SGIP1: variants seen among roughly 807,000 people sequenced by gnomAD.
The protein encoded by SGIP1 is SH3-containing GRB2-like protein 3-interacting protein 1.
SGIP1 carries 38 observed loss-of-function variants against 107.5 expected under a neutral mutation model. The ratio of observed to expected loss-of-function variants is 0.35; its 90% CI spans 0.27 to 0.46. The LOEUF (loss-of-function observed/expected upper bound fraction) is 0.46. Among genes scored for constraint, SGIP1 ranks in the 20% least tolerant of loss-of-function variants. SGIP1 has a pLI of 1.00. For missense variants in SGIP1, 929 were observed against 1,019.5 expected (o/e 0.91, Z 1.21); for synonymous variants, 365 against 366.1 (o/e 1.00, Z 0.03).
intron 1 of SGIP1, among the ~76,000 whole-genome samples, chr1:66,614,654 A>C (rs149376496): frequency 3.4e-4 from 51 of 152,182 alleles, no homozygotes; most frequent in African/African-American, 1.2e-3. Context: ...TTAGAAGTAG[A>C]CTTCATAGAT....
In SGIP1 at chr1:66,593,296, T is replaced by A. The variant is rs1570260182; in HGVS notation, c.11-32551T>A. ...TGTGTGGACAGAGTTTTCAACTCAT[T>A]TTACTAAATACCAAGGAGCACAATT... On this transcript the variant is annotated intron_variant, in intron 1 of 24. Coordinates refer to ENST00000371037, the MANE Select transcript of SGIP1 (RefSeq NM_032291.4). Among the ~76,000 whole-genome samples, 3 of 152,308 alleles carry A rather than the reference T, an allele frequency of 2.0e-5. No individual in the cohort carries two copies. The East Asian group carries it at 5.8e-4, about 29-fold the overall frequency.
chr1:66,659,510 C>A (rs1372033157), intron 7 of SGIP1, among the ~76,000 whole-genome samples: 1 of 152,166 alleles, frequency 6.6e-6, no homozygotes, highest in Non-Finnish European at 1.5e-5. Flanking sequence ...CATGACCGTG[C>A]CCAGCTACAA....
intron 1 of SGIP1, among the ~76,000 whole-genome samples, chr1:66,604,290 C>G (rs2066408452): frequency 6.6e-6 from 1 of 152,060 alleles, no homozygotes; most frequent in Non-Finnish European, 1.5e-5. Context: ...GCAAAATATT[C>G]CATGCAAGAA....
intron 1 of SGIP1, among the ~76,000 whole-genome samples, chr1:66,560,775 G>T (rs942168175): frequency 2.0e-5 from 3 of 151,972 alleles, no homozygotes; most frequent in African/African-American, 7.2e-5. Context: ...CAACTACCTG[G>T]GTTAAATCTC....
chr1:66,534,416 C>G (rs773931861), intron 1 of SGIP1, 48 bp downstream of exon 1: 9 of 1,609,592 alleles, frequency 5.6e-6, no homozygotes, highest in Non-Finnish European at 7.7e-6. Flanking sequence ...AAGGTTTGGG[C>G]AGAACAGCAT....
At chr1:66,695,376 T>C in intron 17 of SGIP1, 58 bp from the exon 18 acceptor site, 1 of 1,613,066 alleles carries the variant, frequency 6.2e-7, no homozygotes, top group Non-Finnish European at 8.5e-7. Context: ...TCACATTGTG[T>C]CCTTCTCTCT....
At chr1:66,633,500 C>T (rs889437527) in intron 3 of SGIP1, among the ~76,000 whole-genome samples, 33 of 152,286 alleles carry the variant, frequency 2.2e-4, no homozygotes, top group African/African-American at 7.7e-4. Flanking sequence ...AGCTTTTCCC[C>T]TTTAGTAGTT....
chr1:66,587,828 A>T (rs1257257918), intron 1 of SGIP1, among the ~76,000 whole-genome samples: 2 of 152,150 alleles, frequency 1.3e-5, no homozygotes, highest in African/African-American at 4.8e-5. Flanking sequence ...AAGGAAGATG[A>T]AGGCCAGAAA....
At chr1:66,621,736 A>G (rs2071193975) in intron 1 of SGIP1, among the ~76,000 whole-genome samples, 3 of 152,236 alleles carry the variant, frequency 2.0e-5, no homozygotes, top group African/African-American at 7.2e-5. Context: ...CATTTAGCAT[A>G]GTATTTTCAA....
chr1:66,625,781 A>G, intron 1 of SGIP1, 66 bp from the exon 2 acceptor site: 6 of 1,452,436 alleles, frequency 4.1e-6, no homozygotes, highest in South Asian at 3.6e-5. Context: ...GTGTGTTACA[A>G]CCTTCAAAAT....
At chr1:66,723,359 T>C (rs2093625421) in intron 19 of SGIP1, among the ~76,000 whole-genome samples, 1 of 152,218 alleles carries the variant, frequency 6.6e-6, no homozygotes, top group South Asian at 2.1e-4. Context: ...AATATAGTTA[T>C]ACTGTAAATA....
chr1:66,599,439 C>G (rs2065332173), intron 1 of SGIP1, among the ~76,000 whole-genome samples: 1 of 152,094 alleles, frequency 6.6e-6, no homozygotes, highest in South Asian at 2.1e-4. Context: ...AAGTGACATG[C>G]CTAAAAATTC....
chr1:66,626,618 C>T (rs1387090593), intron 2 of SGIP1, among the ~76,000 whole-genome samples: 1 of 152,176 alleles, frequency 6.6e-6, no homozygotes, highest in Admixed American at 6.5e-5. Flanking sequence ...AAGTATTTGG[C>T]TCTGACACAA....
intron 1 of SGIP1, among the ~76,000 whole-genome samples, chr1:66,593,525 C>T (rs1479833673): frequency 6.6e-6 from 1 of 152,188 alleles, no homozygotes; most frequent in African/African-American, 2.4e-5. Flanking sequence ...ACATAGCTCC[C>T]TTGTAATGGT....
chr1:66,556,704 A>G (rs1383328904), intron 1 of SGIP1, among the ~76,000 whole-genome samples: 29 of 149,946 alleles, frequency 1.9e-4, no homozygotes, highest in Non-Finnish European at 4.3e-4. Flanking sequence ...TGCCAACTGG[A>G]CCCTGTTCAA....
At chr1:66,676,519 A>AT (rs2085370119) in intron 12 of SGIP1, among the ~76,000 whole-genome samples, 1 of 152,146 alleles carries the variant, frequency 6.6e-6, no homozygotes, top group East Asian at 1.9e-4. Context: ...TCTTTTTATG[A>AT]TGCTGTAAAA....
At chr1:66,720,964 T>C (rs1237555886) in intron 19 of SGIP1, among the ~76,000 whole-genome samples, 1 of 152,146 alleles carries the variant, frequency 6.6e-6, no homozygotes, top group Admixed American at 6.5e-5. Context: ...GGAAAACTAA[T>C]ACAATTAGTA....
At chr1:66,721,153 C>G (rs1230487866) in intron 19 of SGIP1, among the ~76,000 whole-genome samples, 1 of 152,158 alleles carries the variant, frequency 6.6e-6, no homozygotes, top group African/African-American at 2.4e-5. Flanking sequence ...TGCCACATCC[C>G]CATATCAATA....
rs150975010 is a variant in SGIP1, at chr1:66,729,198, C to A, written c.1743-66C>A. 75 of 1,564,670 alleles carry A rather than the reference C, an allele frequency of 4.8e-5. No homozygotes were observed. The East Asian group carries it at 1.6e-3, about 34-fold the overall frequency. ...TTGCCTCATAAATTGTTTTTCACAG[C>A]AGTTTTGATTCAGTGTATTGACATG... On this transcript the variant is annotated intron_variant, in intron 19 of 24. Coordinates refer to ENST00000371037, the MANE Select transcript of SGIP1 (RefSeq NM_032291.4).
Sources: allele counts gnomAD v4.1 joint callset (sites outside exome capture counted in the v4.1 genomes callset), GRCh38; gene constraint gnomAD v4.1.1; transcripts MANE v1.5; gene names NCBI Gene and HGNC (gene_info 2026-07-23, HGNC 2026-07-21).